The following DPP6 variants were observed in gnomAD, a reference collection of about 807,000 sequenced individuals.
DPP6 encodes the protein A-type potassium channel modulatory protein DPP6.
A neutral mutation model predicts 122.6 loss-of-function variants in DPP6; 69 were observed. The ratio of observed to expected loss-of-function variants is 0.56; its 90% CI spans 0.46 to 0.69. The LOEUF (loss-of-function observed/expected upper bound fraction) is 0.69, where lower values mean the gene tolerates loss of function less well. Among genes scored for constraint, DPP6 ranks in the 30% least tolerant of loss-of-function variants. The pLI, the probability that DPP6 is intolerant of heterozygous loss-of-function variation, is 0.00. For synonymous variants in DPP6, 418 were observed against 433.1 expected (o/e 0.97, Z 0.43); for missense variants, 928 against 1,116.9 (o/e 0.83, Z 2.41).
At chr7:154,458,691 G>T in intron 2 of DPP6, among the ~76,000 whole-genome samples, 1 of 152,294 alleles carries the variant, frequency 6.6e-6, no homozygotes, top group South Asian at 2.1e-4. Context: ...CCACTTTTAC[G>T]GTGGCCATGT....
At chr7:154,185,756 T>G (rs2150754965) in intron 1 of DPP6, among the ~76,000 whole-genome samples, 1 of 152,284 alleles carries the variant, frequency 6.6e-6, no homozygotes, top group Admixed American at 6.5e-5. Context: ...ATATTCTTTG[T>G]CAATTACTTC....
intron 1 of DPP6, among the ~76,000 whole-genome samples, chr7:154,129,088 G>C (rs952279880): frequency 6.6e-6 from 1 of 152,024 alleles, no homozygotes; most frequent in Admixed American, 6.6e-5. Flanking sequence ...AAAAGCCTGG[G>C]AAGTTCTTTC....
At chr7:154,787,505 C>G (rs1269280378) in intron 10 of DPP6, among the ~76,000 whole-genome samples, 1 of 152,160 alleles carries the variant, frequency 6.6e-6, no homozygotes, top group Non-Finnish European at 1.5e-5. Context: ...CAGAAATACG[C>G]TTATTATTAG....
intron 1 of DPP6, among the ~76,000 whole-genome samples, chr7:154,034,432 C>G (rs865787621): frequency 6.6e-6 from 1 of 152,140 alleles, no homozygotes; most frequent in East Asian, 1.9e-4. Context: ...CCTTTATCCC[C>G]CCTCTGCACA....
intron 1 of DPP6, among the ~76,000 whole-genome samples, chr7:153,974,246 A>G (rs531564788): frequency 6.6e-6 from 1 of 152,234 alleles, no homozygotes; most frequent in East Asian, 1.9e-4. Context: ...TAACTTTCTT[A>G]TAGACAGTGG....
At chr7:154,608,258 G>A (rs1463491838) in intron 5 of DPP6, among the ~76,000 whole-genome samples, 9 of 142,450 alleles carry the variant, frequency 6.3e-5, no homozygotes, top group Admixed American at 3.6e-4. Context: ...GATTACAGGC[G>A]TGAGCCACTG....
At chr7:154,517,550 G>C (rs148994363) in intron 3 of DPP6, among the ~76,000 whole-genome samples, 1 of 152,074 alleles carries the variant, frequency 6.6e-6, no homozygotes, top group East Asian at 1.9e-4. Context: ...GTATTCACAC[G>C]CAGTTGTTTC....
intron 1 of DPP6, among the ~76,000 whole-genome samples, chr7:154,012,805 A>G (rs537482122): frequency 6.6e-6 from 1 of 152,292 alleles, no homozygotes; most frequent in Non-Finnish European, 1.5e-5. Flanking sequence ...TATGTGTCTA[A>G]TAACTTTTAA....
intron 1 of DPP6, among the ~76,000 whole-genome samples, chr7:154,194,166 G>T (rs775815105): frequency 6.6e-6 from 1 of 152,108 alleles, no homozygotes; most frequent in African/African-American, 2.4e-5. Flanking sequence ...ATTTCCAGGT[G>T]CCGTCACTGT....
intron 1 of DPP6, among the ~76,000 whole-genome samples, chr7:153,912,363 C>T (rs530808156): frequency 1.8e-4 from 27 of 152,248 alleles, no homozygotes; most frequent in African/African-American, 6.3e-4. Flanking sequence ...CAGAGAGAAC[C>T]CAGGGAGCGA....
intron 5 of DPP6, among the ~76,000 whole-genome samples, chr7:154,591,682 C>T (rs1163732500): frequency 6.6e-6 from 1 of 152,162 alleles, no homozygotes; most frequent in Non-Finnish European, 1.5e-5. Context: ...AGCAGCATTT[C>T]CACTGTCTAA....
the DPP6 span, among the ~76,000 whole-genome samples, chr7:153,775,080 A>C: frequency 2.0e-5 from 3 of 149,750 alleles, no homozygotes; most frequent in East Asian, 5.8e-4. Context: ...TAATACCAGA[A>C]ACAGGCAAAA....
intron 1 of DPP6, among the ~76,000 whole-genome samples, chr7:154,150,450 A>C (rs910823501): frequency 2.0e-5 from 3 of 152,192 alleles, no homozygotes; most frequent in African/African-American, 7.2e-5. Context: ...GGGAGGATAT[A>C]CTGAAAAACA....
chr7:154,558,626 G>A (rs971512792), intron 4 of DPP6, among the ~76,000 whole-genome samples: 15 of 152,198 alleles, frequency 9.9e-5, no homozygotes, highest in African/African-American at 3.6e-4. Context: ...ACTCTCTACA[G>A]TTTTCAGTAG....
chr7:154,555,072 C>A (rs1829917852), intron 4 of DPP6, among the ~76,000 whole-genome samples: 1 of 152,020 alleles, frequency 6.6e-6, no homozygotes, highest in South Asian at 2.1e-4. Context: ...AACAATAAAA[C>A]CATTTCAATT....
intron 1 of DPP6, among the ~76,000 whole-genome samples, chr7:153,888,658 T>G (rs1403333355): frequency 2.0e-5 from 3 of 151,538 alleles, no homozygotes; most frequent in Non-Finnish European, 4.4e-5. Flanking sequence ...GGTCATGGTC[T>G]GAGAAGAATC....
chr7:153,878,800 A>G, the DPP6 span, among the ~76,000 whole-genome samples: 1 of 152,186 alleles, frequency 6.6e-6, no homozygotes, highest in South Asian at 2.1e-4. Context: ...TTGTTTTTAC[A>G]TTAAAAGACA....
chr7:154,701,136 C>T (rs561865534), intron 7 of DPP6, among the ~76,000 whole-genome samples: 1 of 152,088 alleles, frequency 6.6e-6, no homozygotes, highest in East Asian at 1.9e-4. Context: ...TCCTGGAGTT[C>T]CCAGGTGAAG....
chr7:154,842,795 T>G (rs1563273050), intron 16 of DPP6, among the ~76,000 whole-genome samples: 1 of 152,246 alleles, frequency 6.6e-6, no homozygotes, highest in East Asian at 1.9e-4. Context: ...TGCGGTTATC[T>G]CTTCGTAAGC....
Sources: gnomAD v4.1 joint callset for allele counts (sites outside exome capture counted in the v4.1 genomes callset) on GRCh38, gnomAD v4.1.1 for gene constraint, MANE v1.5 for transcripts, NCBI Gene and HGNC (gene_info 2026-07-23, HGNC 2026-07-21) for gene names.